Variants in ANO1 observed in about 807,000 individuals in gnomAD.
The protein encoded by ANO1 is anoctamin-1.
ANO1 carries 59 observed loss-of-function variants against 124.0 expected under a neutral mutation model. The ratio of observed to expected loss-of-function variants is 0.48; its 90% CI spans 0.39 to 0.59. The LOEUF is 0.59. Ranked by LOEUF, ANO1 falls within the 20% of genes least tolerant of loss-of-function variation. ANO1 has a pLI of 0.00. For synonymous variants in ANO1, 529 were observed against 532.0 expected, an observed-to-expected ratio of 0.99 and a Z score of 0.08; for missense variants, 1,059 against 1,328.0, an observed-to-expected ratio of 0.80 and a Z score of 3.15.
chr11:70,125,780 C>T (rs1028219602), intron 9 of ANO1, among the ~76,000 whole-genome samples: 4 of 142,762 alleles, frequency 2.8e-5, no homozygotes, highest in Non-Finnish European at 6.1e-5. Flanking sequence ...GGAGGTGGAG[C>T]TTGCAGTGAG....
chr11:69,984,830 T>G (rs534662570), upstream of ANO1, among the ~76,000 whole-genome samples: 1 of 152,354 alleles, frequency 6.6e-6, no homozygotes, highest in African/African-American at 2.4e-5. Flanking sequence ...GTGCAGAAGT[T>G]GTCAGATGAC....
At chr11:70,103,968 G>A (rs200428629) in intron 3 of ANO1, 31 bp from the exon 4 acceptor site, 92 of 1,603,030 alleles carry the variant, frequency 5.7e-5, no homozygotes, top group Middle Eastern at 1.7e-4. Flanking sequence ...GCAGGGTGAC[G>A]CAGCTCCCCG....
chr11:70,180,180 G>T (rs2048877728), intron 23 of ANO1, 124 bp downstream of exon 23: 3 of 879,418 alleles, frequency 3.4e-6, no homozygotes, highest in Non-Finnish European at 5.5e-6. Flanking sequence ...GCCCCAGGCT[G>T]CCCGGATTCT....
At chr11:70,084,126 G>T (rs2044286454) in intron 1 of ANO1, among the ~76,000 whole-genome samples, 1 of 152,164 alleles carries the variant, frequency 6.6e-6, no homozygotes, top group South Asian at 2.1e-4. Flanking sequence ...AGGAGGAATA[G>T]CCGAAGCCCT....
upstream of ANO1, among the ~76,000 whole-genome samples, chr11:70,076,234 C>G (rs1427292470): frequency 1.3e-5 from 2 of 152,212 alleles, no homozygotes; most frequent in Non-Finnish European, 2.9e-5. Flanking sequence ...GTATAAATCA[C>G]AGAAACTAGA....
At chr11:70,173,194 A>T (rs2048540954) in intron 22 of ANO1, among the ~76,000 whole-genome samples, 1 of 152,190 alleles carries the variant, frequency 6.6e-6, no homozygotes, top group Non-Finnish European at 1.5e-5. Flanking sequence ...ACCATCAGAT[A>T]GCAGTGATTC....
chr11:70,179,991 CT>C lies in ANO1; in HGVS notation c.2351-11del. 6.2e-7 allele frequency: 1 copy of C among 1,611,596 alleles called. No individual in the cohort carries two copies. The highest frequency in any genetic ancestry group is 1.3e-5 in the African/African-American group (1 of 74,980). On this transcript the variant is annotated splice_polypyrimidine_tract_variant and intron_variant, in intron 22 of 25. Transcript: ENST00000355303. ...GTAGGGCTCTTTAAAACTGTGACTT[CT>C]TCTTCCCCCAGGAATCTGGTACAAT...
At chr11:70,007,276 T>TC (rs1315663717) in intron 1 of ANO1, among the ~76,000 whole-genome samples, 118 of 124,854 alleles carry the variant, frequency 9.5e-4, no homozygotes, top group Middle Eastern at 7.9e-3. Context: ...TTTCTTTCTT[T>TC]TTTTTTTTTT....
intron 1 of ANO1, among the ~76,000 whole-genome samples, chr11:70,009,710 G>A (rs531463448): frequency 6.6e-6 from 1 of 152,288 alleles, no homozygotes; most frequent in South Asian, 2.1e-4. Context: ...GGAAGGCAAA[G>A]GGGATGAGCC....
intron 11 of ANO1, among the ~76,000 whole-genome samples, chr11:70,134,700 G>A (rs1438440346): frequency 6.6e-6 from 1 of 152,164 alleles, no homozygotes; most frequent in Non-Finnish European, 1.5e-5. Context: ...CACGTGCCTG[G>A]TGTGTGGGAG....
intron 1 of ANO1, among the ~76,000 whole-genome samples, chr11:70,047,953 A>T (rs1399849300): frequency 6.6e-6 from 1 of 152,228 alleles, no homozygotes; most frequent in Non-Finnish European, 1.5e-5. Context: ...TTTAAATCAT[A>T]ATCAAAGCCC....
At chr11:70,007,493 G>C (rs782736926) in intron 1 of ANO1, among the ~76,000 whole-genome samples, 1 of 151,994 alleles carries the variant, frequency 6.6e-6, no homozygotes, top group African/African-American at 2.4e-5. Context: ...AGCCAGGATG[G>C]TCTCGATCTC....
rs2044448402 is a variant in ANO1 at position 70,087,883 on chromosome 11, C to A, written c.240C>A (p.Val80=). The change falls in exon 2 of 26, where the codon GTC becomes GTA. Residue 80 remains valine, a synonymous_variant. Coordinates refer to ENST00000355303, the MANE Select transcript of ANO1 (RefSeq NM_018043.7). ...GGCCCTCGGGCAACCGGACCCTGGT[C>A]AGGAGGGTGCAGCACAGCGACACCC... The part of the protein sequence containing the change: ...HKRPSGNRTL[V]RRVQHSDTPS... 1 of 1,612,078 alleles carries A rather than the reference C, an allele frequency of 6.2e-7. No homozygotes were observed. Among genetic ancestry groups the A allele is most frequent in the Admixed American group, 1.7e-5 (1 of 59,894 alleles).
In ANO1 at chr11:70,187,985, A is replaced by G. The variant is rs751279736; in HGVS notation, c.2942A>G (p.Tyr981Cys). ...GGCAGCCCAGCCCCCAGCCATGCCTACCACGGGGGCGTCCTGTAGCTATGC... is the reference window on the plus strand; with the variant it reads ...GGCAGCCCAGCCCCCAGCCATGCCTGCCACGGGGGCGTCCTGTAGCTATGC... ...SLGSPAPSHA[Y>C]HGGVL The change falls in exon 26 of 26, where the codon TAC becomes TGC. Residue 981 changes from tyrosine (Y) to cysteine (C), a missense_variant. Transcript: ENST00000355303. 3 of 1,567,028 alleles carry G rather than the reference A, an allele frequency of 1.9e-6. No homozygotes were observed. The highest frequency in any genetic ancestry group is 3.8e-5 in the Admixed American group (2 of 52,552).
chr11:70,098,909 G>A (rs528613563), intron 2 of ANO1, among the ~76,000 whole-genome samples: 2 of 152,330 alleles, frequency 1.3e-5, no homozygotes, highest in Non-Finnish European at 2.9e-5. Flanking sequence ...AAACGAAAAT[G>A]TCAGAAGCAA....
chr11:70,086,484 G>A (rs1238126169), intron 1 of ANO1, among the ~76,000 whole-genome samples: 1 of 152,088 alleles, frequency 6.6e-6, no homozygotes, highest in African/African-American at 2.4e-5. Context: ...CCCTAACCCC[G>A]CCCCCTTGGT....
Position 70,078,666 on chromosome 11 carries a change from C to T in ANO1, c.60C>T (p.Ile20=). 6.7e-7 allele frequency: 1 copy of T among 1,501,218 alleles called. No homozygotes were observed. The highest frequency in any genetic ancestry group is 9.0e-7 in the Non-Finnish European group (1 of 1,114,662). The allele number at this position is 1,501,218 out of a possible 1,614,324, so 93.0% of individuals were successfully genotyped here. Residue 20 remains isoleucine, a synonymous_variant, in exon 1 of 26, where the codon ATC becomes ATT. Transcript: ENST00000355303. ...CCGAGGACCGCAGCGTCCACATCAT[C>T]AACATCTGCGCCATCGAGGACATCG... is the stretch of plus-strand genomic sequence containing the variant. ...LPAEDRSVHI[I]NICAIEDIGY... is the part of the protein sequence containing the mutation.
chr11:69,985,400 G>C (rs1554996751), upstream of ANO1, among the ~76,000 whole-genome samples: 1 of 152,164 alleles, frequency 6.6e-6, no homozygotes, highest in African/African-American at 2.4e-5. Flanking sequence ...CCAGTGACCT[G>C]TAACCTCCAG....
chr11:70,015,461 A>G (rs537200619), intron 1 of ANO1, among the ~76,000 whole-genome samples: 63 of 152,114 alleles, frequency 4.1e-4, no homozygotes, highest in Non-Finnish European at 7.5e-4. Flanking sequence ...CGGCGTGCTC[A>G]CTCACTGACC....
Sources: allele counts gnomAD v4.1 joint callset (sites outside exome capture counted in the v4.1 genomes callset), GRCh38; gene constraint gnomAD v4.1.1; transcripts MANE v1.5; gene names NCBI Gene and HGNC (gene_info 2026-07-23, HGNC 2026-07-21).